NEK3: variants seen among roughly 807,000 people sequenced by gnomAD.
NEK3 encodes NIMA related kinase 3, also known as serine/threonine-protein kinase Nek3.
Under a neutral mutation model 66.0 loss-of-function variants are expected in NEK3, and 54 were observed. The ratio of observed to expected loss-of-function variants is 0.82; its 90% CI spans 0.66 to 1.03. The LOEUF is 1.03. Among genes scored for constraint, NEK3 ranks in the 50% least tolerant of loss-of-function variants. NEK3 has a pLI of 0.00. For synonymous variants in NEK3, 200 were observed against 206.2 expected (o/e 0.97, Z 0.26); for missense variants, 593 against 603.0 (o/e 0.98, Z 0.17).
intron 8 of NEK3, among the ~76,000 whole-genome samples, 157 bp from the exon 9 acceptor site, chr13:52,145,048 A>G (rs1312704187): frequency 6.6e-6 from 1 of 152,202 alleles, no homozygotes; most frequent in Non-Finnish European, 1.5e-5. Context: ...TATAATCTTA[A>G]GGTGGCTTAG....
chr13:52,139,221 C>A (rs913728390), intron 11 of NEK3, among the ~76,000 whole-genome samples: 5 of 152,114 alleles, frequency 3.3e-5, no homozygotes, highest in Non-Finnish European at 7.3e-5. Context: ...TCAGCTTCAG[C>A]ACAGCAATAA....
At position 52,135,787 on chromosome 13, in the gene NEK3, G is replaced by A; in HGVS notation, c.1251C>T (p.Asn417=). ...WLKETPDTLL[N]ILKNADLSLA... is the part of the protein sequence containing the mutation. ...AGCTGAGATCAGCATTCTTAAGGAT[G>A]TTCAACAAAGTGTCAGGGGTCTCTT... The change falls in exon 14 of 16, where the codon AAC becomes AAT. Residue 417 remains asparagine, a synonymous_variant. Transcript: ENST00000610828. 2 of 1,613,642 alleles carry A rather than the reference G, an allele frequency of 1.2e-6. No homozygotes were observed. The highest frequency in any genetic ancestry group is 8.5e-7 in the Non-Finnish European group (1 of 1,179,642).
chr13:52,155,843 A>AT lies in NEK3; in HGVS notation c.117+231dup, dbSNP rs1206405922. 3.8e-3 allele frequency among the ~76,000 whole-genome samples: 562 copies of AT among 149,382 alleles called. 3 individuals are homozygous for AT. Among genetic ancestry groups the AT allele is most frequent in the East Asian group, 0.015 (79 of 5,098 alleles). ...AGGTGCAGGCCACCACACTTGCCTA[A>AT]TTTTTTTTTTATTATTTTTACTAGA... On this transcript the variant is annotated intron_variant, in intron 2 of 15. Coordinates refer to ENST00000610828, the MANE Select transcript of NEK3 (RefSeq NM_002498.3).
Position 52,136,069 on chromosome 13 carries a change from AG to A in NEK3, c.1174+46del, listed in dbSNP as rs763443655. On this transcript the variant is annotated intron_variant, in intron 13 of 15. Transcript: ENST00000610828. ...GCTCTAAGTGCACTAAGTAACTATT[AG>A]AAAAAGTTCTCTAATAAAATAATAG... 3.4e-5 allele frequency: 54 copies of A among 1,605,636 alleles called. 1 individual carries two copies. The South Asian group carries it at 5.9e-4, about 17-fold the overall frequency.
At chr13:52,143,818 A>C in intron 10 of NEK3, 97 bp downstream of exon 10, 3 of 694,044 alleles carry the variant, frequency 4.3e-6, no homozygotes, top group Non-Finnish European at 4.9e-6. Context: ...TATCTCCGAT[A>C]ATCATTTCTA....
In NEK3 at chr13:52,144,681, C is replaced by T. The variant is rs771034980; in HGVS notation, c.804+10G>A. The T allele has an allele frequency of 1.2e-6, 2 of 1,612,604 alleles. No individual in the cohort carries two copies. On this transcript the variant is annotated intron_variant, in intron 9 of 15. Transcript: ENST00000610828. ...AAAACTGTTCACAACCAATCCAACA[C>T]AGATCATACCTCGGGGGGTAAGCAC...
In NEK3 at chr13:52,156,084, C is replaced by T; in HGVS notation, c.108G>A (p.Arg36=). The change falls in exon 2 of 16, where the codon AGG becomes AGA. Residue 36 remains arginine, a synonymous_variant. Transcript: ENST00000610828. ...TTTCTTTAGTAGTGACCTTGGGAAG[C>T]CTTATTTCTTTCATGGCAAACATCT... is the stretch of plus-strand genomic sequence containing the variant. ...SNQMFAMKEI[R]LPKSFSNTQN... is the part of the protein sequence containing the mutation. 1 of 1,595,514 alleles carries T rather than the reference C, an allele frequency of 6.3e-7. No homozygotes were observed. The highest frequency in any genetic ancestry group is 8.6e-7 in the Non-Finnish European group (1 of 1,168,410).
chr13:52,136,918 AC>A lies in NEK3; in HGVS notation c.928-17del. The A allele has an allele frequency of 4.7e-6, 7 of 1,493,868 alleles. No individual in the cohort carries two copies. Among genetic ancestry groups the A allele is most frequent in the Non-Finnish European group, 6.3e-6 (7 of 1,107,120 alleles). 92.5% of individuals were successfully genotyped at this position (1,493,868 alleles called of 1,614,324 possible). ...CTTCCTCTTGCTTTAAAAGAGATTAACAATACAGATTAAATAATGCTTGAAT... is the reference window on the plus strand; with the variant it reads ...CTTCCTCTTGCTTTAAAAGAGATTAAAATACAGATTAAATAATGCTTGAAT... On this transcript the variant is annotated splice_polypyrimidine_tract_variant and intron_variant, in intron 11 of 15. Coordinates refer to ENST00000610828, the MANE Select transcript of NEK3 (RefSeq NM_002498.3).
At chr13:52,134,017 A>C (rs1358494944) in intron 14 of NEK3, among the ~76,000 whole-genome samples, 1 of 152,012 alleles carries the variant, frequency 6.6e-6, no homozygotes, top group Admixed American at 6.6e-5. Flanking sequence ...ATGTGGACTA[A>C]ATTTATAAAC....
At chr13:52,133,906 C>T in intron 14 of NEK3, 91 bp from the exon 15 acceptor site, 1 of 1,333,742 alleles carries the variant, frequency 7.5e-7, no homozygotes, top group South Asian at 1.4e-5. Context: ...AGCTTGCTGG[C>T]TGAGGACAAT....
chr13:52,144,054 C>A, intron 9 of NEK3, 67 bp from the exon 10 acceptor site: 1 of 828,782 alleles, frequency 1.2e-6, no homozygotes. Flanking sequence ...GCCGTGATGT[C>A]ATTTCATCAT....
At chr13:52,140,210 A>G (rs1189702953) in intron 11 of NEK3, among the ~76,000 whole-genome samples, 2 of 116,390 alleles carry the variant, frequency 1.7e-5, no homozygotes, top group Non-Finnish European at 3.9e-5. Flanking sequence ...GTGAGACCCT[A>G]TCTCAAAAAA....
chr13:52,136,581 C>T (rs990869636), intron 12 of NEK3, among the ~76,000 whole-genome samples: 2 of 152,008 alleles, frequency 1.3e-5, no homozygotes, highest in East Asian at 1.9e-4. Flanking sequence ...TGGTGGATAG[C>T]ACAATAAATA....
At chr13:52,153,430 T>C (rs1434081740) in intron 4 of NEK3, among the ~76,000 whole-genome samples, 1 of 152,132 alleles carries the variant, frequency 6.6e-6, no homozygotes, top group Non-Finnish European at 1.5e-5. Flanking sequence ...AGTATGCAAT[T>C]TTCCACTAAA....
chr13:52,140,121 G>T (rs1956235759), intron 11 of NEK3, among the ~76,000 whole-genome samples: 1 of 149,888 alleles, frequency 6.7e-6, no homozygotes, highest in Non-Finnish European at 1.5e-5. Context: ...AGGCTGAGGT[G>T]GGAGGATCAC....
intron 2 of NEK3, among the ~76,000 whole-genome samples, 193 bp from the exon 3 acceptor site, chr13:52,154,366 A>G (rs559904703): frequency 6.6e-6 from 1 of 152,278 alleles, no homozygotes. Context: ...TTCATGCTTG[A>G]GCTGACCCCT....
intron 11 of NEK3, among the ~76,000 whole-genome samples, chr13:52,137,367 C>T (rs1362707188): frequency 7.2e-5 from 11 of 152,054 alleles, no homozygotes; most frequent in Non-Finnish European, 7.4e-5. Context: ...TATCTAAGCC[C>T]TTGATTTATT....
intron 10 of NEK3, among the ~76,000 whole-genome samples, chr13:52,142,483 C>T (rs796301407): frequency 9.2e-5 from 14 of 152,072 alleles, no homozygotes; most frequent in South Asian, 8.3e-4. Context: ...TCACCATGTT[C>T]GCCAGGATGG....
At chr13:52,143,347 C>T (rs377350030) in intron 10 of NEK3, among the ~76,000 whole-genome samples, 3 of 151,546 alleles carry the variant, frequency 2.0e-5, no homozygotes, top group African/African-American at 7.2e-5. Context: ...TTTAGGTTCA[C>T]AGCAAAACTG....
Sources: allele counts gnomAD v4.1 joint callset (sites outside exome capture counted in the v4.1 genomes callset), GRCh38; gene constraint gnomAD v4.1.1; transcripts MANE v1.5; gene names NCBI Gene and HGNC (gene_info 2026-07-23, HGNC 2026-07-21).